Variants in PLXNA2 observed in about 807,000 individuals in gnomAD.
The protein encoded by PLXNA2 is plexin-A2.
PLXNA2 carries 91 observed loss-of-function variants against 193.5 expected under a neutral mutation model. That is an observed-to-expected ratio of 0.47 (90% confidence interval 0.40 to 0.56). PLXNA2 has a LOEUF of 0.56. Among genes scored for constraint, PLXNA2 ranks in the 20% least tolerant of loss-of-function variants. The probability of loss-of-function intolerance (pLI) is 0.00; values close to 1 mark genes in which losing one functional copy is unlikely to be tolerated. For missense variants in PLXNA2, 1,995 were observed against 2,503.2 expected (o/e 0.80, Z 4.33); for synonymous variants, 997 against 1,027.3 (o/e 0.97, Z 0.56).
chr1:208,038,562 T>C lies in PLXNA2; in HGVS notation c.4661-88A>G, dbSNP rs1037751307. On this transcript the variant is annotated intron_variant, in intron 25 of 31. Coordinates refer to ENST00000367033, the MANE Select transcript of PLXNA2 (RefSeq NM_025179.4). This position sits in a 1 kb window ranked among gnomAD's most constrained non-coding sequence, Gnocchi z 4.1. Reference sequence around the variant, plus strand: ...CCCGATTGCACCTTCTCTAGGGACCTGGCAACCCGGCCCCCTCAAGCTGGT... The same window carrying C: ...CCCGATTGCACCTTCTCTAGGGACCCGGCAACCCGGCCCCCTCAAGCTGGT... 1.9e-6 allele frequency: 2 copies of C among 1,074,644 alleles called. No individual in the cohort carries two copies. The highest frequency in any genetic ancestry group is 3.1e-5 in the African/African-American group (2 of 64,970). The allele number at this position is 1,074,644 out of a possible 1,614,324, so 66.6% of individuals were successfully genotyped here. A position where few individuals can be genotyped will look rare whatever the true frequency, so the allele number is the denominator to read the frequency against.
In PLXNA2 at chr1:208,033,319, C is replaced by A; in HGVS notation, c.5055G>T (p.Lys1685Asn). 1.9e-6 allele frequency: 3 copies of A among 1,611,654 alleles called. No homozygotes were observed. The highest frequency in any genetic ancestry group is 2.5e-6 in the Non-Finnish European group (3 of 1,178,426). ...EIYLTRLLAT[K>N]GTLQKFVDDL... ...CTGGTCTGGGCAGAGGGGGAGTTAC[C>A]TTGGTGGCCAGTAGCCGGGTCAGGT... Residue 1685 changes from lysine (K) to asparagine (N), a missense_variant and splice_region_variant, in exon 28 of 32, where the codon AAG (lysine) becomes AAT (asparagine). Transcript: ENST00000367033.
intron 3 of PLXNA2, among the ~76,000 whole-genome samples, chr1:208,195,240 T>C (rs1294158841): frequency 6.6e-6 from 1 of 152,190 alleles, no homozygotes; most frequent in Non-Finnish European, 1.5e-5. Context: ...ACCTTCTCCT[T>C]CTGATTGGAA....
chr1:208,048,105 T>C (rs1228120904), intron 17 of PLXNA2, among the ~76,000 whole-genome samples: 1 of 152,190 alleles, frequency 6.6e-6, no homozygotes, highest in Non-Finnish European at 1.5e-5. Flanking sequence ...GGTCCCAGTC[T>C]AGCTTCCCTA....
intron 9 of PLXNA2, among the ~76,000 whole-genome samples, chr1:208,087,785 G>A (rs1666579062): frequency 6.6e-6 from 1 of 152,100 alleles, no homozygotes; most frequent in African/African-American, 2.4e-5. Flanking sequence ...GAAAGTGGGT[G>A]GAGGAGACTG....
At chr1:208,238,020 T>G (rs1671923088) in intron 1 of PLXNA2, among the ~76,000 whole-genome samples, 1 of 152,192 alleles carries the variant, frequency 6.6e-6, no homozygotes, top group African/African-American at 2.4e-5. Context: ...GGTAAGAATC[T>G]CTCCTTCTTC....
chr1:208,041,033 GGA>G lies in PLXNA2; in HGVS notation c.4287-977_4287-976del, dbSNP rs149307115. Among the ~76,000 whole-genome samples the G allele has an allele frequency of 9.3e-4, 141 of 152,330 alleles. 1 individual carries two copies. The East Asian group carries it at 0.022, about 24-fold the overall frequency. Reference sequence around the variant, plus strand: ...AGGGCTGCTCAGCAATCTGGGCCTGGGAGAGAGTGACAATGGCAGAAAAAATT... The same window carrying G: ...AGGGCTGCTCAGCAATCTGGGCCTGGGAGAGTGACAATGGCAGAAAAAATT... On this transcript the variant is annotated intron_variant, in intron 22 of 31. Coordinates refer to ENST00000367033, the MANE Select transcript of PLXNA2 (RefSeq NM_025179.4).
At chr1:208,072,115 G>T (rs1298358568) in intron 12 of PLXNA2, among the ~76,000 whole-genome samples, 1 of 152,194 alleles carries the variant, frequency 6.6e-6, no homozygotes, top group Non-Finnish European at 1.5e-5. Flanking sequence ...GGAGGCCAGT[G>T]TACATGGTTT....
intron 28 of PLXNA2, among the ~76,000 whole-genome samples, chr1:208,032,471 A>T (rs1664532757): frequency 6.6e-6 from 1 of 152,218 alleles, no homozygotes; most frequent in South Asian, 2.1e-4. Flanking sequence ...AAATGGAGAC[A>T]TGGGGTCTCG....
chr1:208,082,794 G>T lies in PLXNA2; in HGVS notation c.2299-286C>A, dbSNP rs17187016. On this transcript the variant is annotated intron_variant, in intron 10 of 31. Coordinates refer to ENST00000367033, the MANE Select transcript of PLXNA2 (RefSeq NM_025179.4). This position sits in a 1 kb window ranked among gnomAD's most constrained non-coding sequence, Gnocchi z 4.2. ...TCTTCTTAAGCCCCTCTCTGTCTTT[G>T]TTGAGTTCCTATCTCATAAGGAATG... is the stretch of plus-strand genomic sequence containing the variant. 2.0e-5 allele frequency among the ~76,000 whole-genome samples: 3 copies of T among 152,080 alleles called. No homozygotes were observed. The highest frequency in any genetic ancestry group is 4.4e-5 in the Non-Finnish European group (3 of 68,004).
chr1:208,115,915 AAAC>A (rs368576712), intron 4 of PLXNA2, among the ~76,000 whole-genome samples: 18 of 152,284 alleles, frequency 1.2e-4, no homozygotes, highest in Admixed American at 6.5e-4. Flanking sequence ...ATAAAATATA[AAAC>A]AACAAGAAAA....
intron 3 of PLXNA2, among the ~76,000 whole-genome samples, chr1:208,150,872 G>A (rs1378095733): frequency 6.6e-6 from 1 of 152,166 alleles, no homozygotes; most frequent in Non-Finnish European, 1.5e-5. Flanking sequence ...CCAGACCTCT[G>A]GGTTCTACTC....
At chr1:208,062,200 G>T (rs112775313) in intron 12 of PLXNA2, among the ~76,000 whole-genome samples, 3,630 of 152,286 alleles carry the variant, frequency 0.024, 59 homozygotes, top group Middle Eastern at 0.041. Context: ...CCCTGTATGT[G>T]CTGGTGGAGT....
chr1:208,198,033 G>A (rs893442193), intron 3 of PLXNA2, among the ~76,000 whole-genome samples: 5 of 152,134 alleles, frequency 3.3e-5, no homozygotes, highest in Middle Eastern at 6.3e-3. Context: ...ACGCCACATC[G>A]GAGTGCTTAG....
In PLXNA2 at chr1:208,092,825, G is replaced by A. The variant is rs1666759235; in HGVS notation, c.2058C>T (p.Thr686=). The A allele has an allele frequency of 3.7e-6, 6 of 1,613,984 alleles. No individual in the cohort carries two copies. The highest frequency in any genetic ancestry group is 5.1e-6 in the Non-Finnish European group (6 of 1,179,910). ...TCCGGCCCTCCTGGAAGGAGCAGGT[G>A]GTGGGGTCATGAGTGCAGAGGTTGC... ...KYRNLCTHDP[T]TCSFQEGRIN... The change falls in exon 9 of 32, where the codon ACC becomes ACT. Residue 686 remains threonine (T), a synonymous_variant. Transcript: ENST00000367033.
In PLXNA2 at chr1:208,081,875, C is replaced by T. The variant is rs551792204; in HGVS notation, c.2395+537G>A. The stretch of plus-strand genomic sequence containing the variant: ...AGGAGCTCGACATGAGTTTATAGGA[C>T]GATGAATAAGGGTCACCCTCATGGA... On this transcript the variant is annotated intron_variant, in intron 11 of 31. Coordinates refer to ENST00000367033, the MANE Select transcript of PLXNA2 (RefSeq NM_025179.4). 1.1e-4 allele frequency among the ~76,000 whole-genome samples: 17 copies of T among 152,168 alleles called. No homozygotes were observed. In the East Asian group the frequency reaches 2.1e-3, roughly 19 times the overall value.
intron 9 of PLXNA2, among the ~76,000 whole-genome samples, chr1:208,088,681 C>T (rs547702610): frequency 1.3e-5 from 2 of 152,334 alleles, no homozygotes; most frequent in South Asian, 4.1e-4. Context: ...CTTAAGAGAG[C>T]TTGACAAATG....
rs1558150280 is a variant in PLXNA2, at chr1:208,023,864, C to G, written c.*3379G>C. Reference sequence around the variant, plus strand: ...TTCCCAGATGAATGAATGCAGGAAACAGTTCCCTCCTCCAATGAGATTAAC... The same window carrying G: ...TTCCCAGATGAATGAATGCAGGAAAGAGTTCCCTCCTCCAATGAGATTAAC... On this transcript the variant is annotated 3_prime_UTR_variant, in exon 32 of 32. Coordinates refer to ENST00000367033, the MANE Select transcript of PLXNA2 (RefSeq NM_025179.4). 2 of 152,326 alleles carry G rather than the reference C, an allele frequency of 1.3e-5. No individual in the cohort carries two copies. 9.4% of individuals were successfully genotyped at this position (152,326 alleles called of 1,614,324 possible).
chr1:208,039,869 A>G, intron 23 of PLXNA2, 102 bp from the exon 24 acceptor site: 3 of 1,588,504 alleles, frequency 1.9e-6, no homozygotes, highest in Non-Finnish European at 2.6e-6. Flanking sequence ...GAAGGGCTTT[A>G]GCACAGCCAG....
In PLXNA2 at chr1:208,060,817, C is replaced by T. The variant is rs570578403; in HGVS notation, c.2607G>A (p.Pro869=). The T allele has an allele frequency of 4.2e-5, 67 of 1,613,896 alleles. No individual in the cohort carries two copies. The highest frequency in any genetic ancestry group is 2.1e-4 in the African/African-American group (16 of 75,028). Residue 869 remains proline (P), a synonymous_variant, in exon 13 of 32, where the codon CCG becomes CCA. Coordinates refer to ENST00000367033, the MANE Select transcript of PLXNA2 (RefSeq NM_025179.4). ...TGGTCACTCGCGTCCCTCCTTCCGG[C>T]GGTCCAGACACCGTCAAAATCTGCA... ...QITEILTVSG[P]PEGGTRVTIH... is the part of the protein sequence containing the mutation.
Sources: gnomAD v4.1 joint callset for allele counts (sites outside exome capture counted in the v4.1 genomes callset) on GRCh38, gnomAD v4.1.1 for gene constraint, Gnocchi (gnomAD v3.1) non-coding constraint, MANE v1.5 for transcripts, NCBI Gene and HGNC (gene_info 2026-07-23, HGNC 2026-07-21) for gene names.